The following NFATC1 variants were observed in gnomAD, a reference collection of about 807,000 sequenced individuals.
NFATC1 encodes the protein nuclear factor of activated T cells 1.
Under a neutral mutation model 76.0 loss-of-function variants are expected in NFATC1, and 22 were observed. The observed-to-expected ratio is 0.29, with a 90% CI of 0.21 to 0.41. The LOEUF (loss-of-function observed/expected upper bound fraction) is 0.41, where lower values mean the gene tolerates loss of function less well. NFATC1 is among the 10% of genes least tolerant of loss of function. The pLI is 1.00. For missense variants in NFATC1, 1,357 were observed against 1,337.7 expected (o/e 1.01, Z -0.23); for synonymous variants, 704 against 613.1 (o/e 1.15, Z -2.19).
At chr18:79,406,854 A>G (rs1002434543) in intron 1 of NFATC1, among the ~76,000 whole-genome samples, 7 of 151,068 alleles carry the variant, frequency 4.6e-5, no homozygotes, top group Admixed American at 1.3e-4. Flanking sequence ...AGAGCCAGCC[A>G]CGGCTCCGCG....
chr18:79,451,934 G>A (rs560225480), intron 6 of NFATC1, 118 bp downstream of exon 6: 6 of 1,299,042 alleles, frequency 4.6e-6, no homozygotes, highest in East Asian at 2.6e-5. Flanking sequence ...CTTATGGGGT[G>A]TGGCACGGAG....
At chr18:79,404,135 G>C (rs1034570321) in intron 1 of NFATC1, among the ~76,000 whole-genome samples, 1 of 152,214 alleles carries the variant, frequency 6.6e-6, no homozygotes, top group Non-Finnish European at 1.5e-5. Flanking sequence ...ATTCAAAAAG[G>C]ATGCTTTAAA....
intron 1 of NFATC1, among the ~76,000 whole-genome samples, chr18:79,398,634 C>A (rs943403456): frequency 1.3e-5 from 2 of 152,254 alleles, no homozygotes; most frequent in Admixed American, 1.3e-4. Context: ...CAGCAGTGAG[C>A]CTCCATCCCT....
At chr18:79,453,476 C>T (rs936333684) in intron 6 of NFATC1, among the ~76,000 whole-genome samples, 9 of 152,256 alleles carry the variant, frequency 5.9e-5, no homozygotes, top group Admixed American at 2.6e-4. Flanking sequence ...TGGCCTCATG[C>T]GGCCGCCCCT....
chr18:79,444,972 A>G (rs1230389246), intron 3 of NFATC1, among the ~76,000 whole-genome samples: 3 of 152,108 alleles, frequency 2.0e-5, no homozygotes, highest in African/African-American at 7.2e-5. Context: ...CAGAAATCAC[A>G]CCGGCAGCCT....
chr18:79,412,424 T>C (rs1190911518), intron 2 of NFATC1, among the ~76,000 whole-genome samples: 5 of 151,458 alleles, frequency 3.3e-5, no homozygotes, highest in South Asian at 2.1e-4. Flanking sequence ...GCTGGGTGTT[T>C]TCCTGTTTTT....
At chr18:79,449,816 T>C (rs2087383582) in intron 4 of NFATC1, among the ~76,000 whole-genome samples, 1 of 150,560 alleles carries the variant, frequency 6.6e-6, no homozygotes, top group African/African-American at 2.5e-5. Context: ...TGGGGAGGAG[T>C]CCCGCACGGT....
chr18:79,399,034 TC>T (rs1401409820), intron 1 of NFATC1, among the ~76,000 whole-genome samples: 1 of 152,234 alleles, frequency 6.6e-6, no homozygotes, highest in Non-Finnish European at 1.5e-5. Flanking sequence ...ACCACTGCAC[TC>T]CAGCCTGGGT....
intron 1 of NFATC1, among the ~76,000 whole-genome samples, chr18:79,400,098 G>T (rs995362561): frequency 6.7e-6 from 1 of 149,870 alleles, no homozygotes; most frequent in Non-Finnish European, 1.5e-5. Flanking sequence ...GACCCCCAGG[G>T]CACAAGAGGC....
chr18:79,517,796 A>G (rs1168778531), intron 9 of NFATC1, among the ~76,000 whole-genome samples: 1 of 152,240 alleles, frequency 6.6e-6, no homozygotes, highest in Non-Finnish European at 1.5e-5. Context: ...AACCATTGAA[A>G]AAGAGGGAAG....
At chr18:79,522,895 T>A (rs1233560772) in intron 9 of NFATC1, among the ~76,000 whole-genome samples, 1 of 152,200 alleles carries the variant, frequency 6.6e-6, no homozygotes, top group Non-Finnish European at 1.5e-5. Context: ...ACACTGTGGC[T>A]TGCCCAGCGG....
At chr18:79,438,068 G>A (rs1240687655) in intron 3 of NFATC1, among the ~76,000 whole-genome samples, 2 of 152,220 alleles carry the variant, frequency 1.3e-5, no homozygotes, top group Non-Finnish European at 2.9e-5. Flanking sequence ...TTCTCCATCT[G>A]GGGGACTGTG....
At chr18:79,405,614 C>T (rs1442112059) in intron 1 of NFATC1, among the ~76,000 whole-genome samples, 2 of 152,220 alleles carry the variant, frequency 1.3e-5, no homozygotes, top group Non-Finnish European at 2.9e-5. Context: ...CCACACCTTG[C>T]CCTTCTTCTA....
At chr18:79,441,370 C>G (rs1024434425) in intron 3 of NFATC1, among the ~76,000 whole-genome samples, 3 of 152,160 alleles carry the variant, frequency 2.0e-5, no homozygotes, top group Non-Finnish European at 4.4e-5. Context: ...GGGCGGGCAG[C>G]GCTCCTGGGC....
At chr18:79,418,664 C>T (rs2085962257) in intron 2 of NFATC1, among the ~76,000 whole-genome samples, 1 of 152,242 alleles carries the variant, frequency 6.6e-6, no homozygotes, top group Non-Finnish European at 1.5e-5. Flanking sequence ...GAAGATCATG[C>T]CTCCTGATTG....
At chr18:79,431,712 G>T (rs539372426) in intron 2 of NFATC1, among the ~76,000 whole-genome samples, 1 of 151,306 alleles carries the variant, frequency 6.6e-6, no homozygotes, top group Admixed American at 6.6e-5. Context: ...GTTGTTTGTT[G>T]TTTTTTTTTA....
At chr18:79,515,295 C>T (rs547325762) in intron 9 of NFATC1, among the ~76,000 whole-genome samples, 34 of 148,748 alleles carry the variant, frequency 2.3e-4, no homozygotes, top group Non-Finnish European at 3.0e-4. Flanking sequence ...GCAGAGATCG[C>T]GCCACTGCAC....
Position 79,411,082 on chromosome 18 carries a change from C to T in NFATC1, c.807C>T (p.Ser269=). 6.2e-7 allele frequency: 1 copy of T among 1,612,114 alleles called. No homozygotes were observed. Among genetic ancestry groups the T allele is most frequent in the Admixed American group, 1.7e-5 (1 of 59,994 alleles). The change falls in exon 2 of 10, where the codon AGC becomes AGT. Residue 269 remains serine (S), a synonymous_variant. Transcript: ENST00000427363. ...CCCCTTGCAACAAGAGGAAGTACAGCCTCAACGGCCGGCAGCCGCCCTACT... is the reference window on the plus strand; with the variant it reads ...CCCCTTGCAACAAGAGGAAGTACAGTCTCAACGGCCGGCAGCCGCCCTACT... ...PASPCNKRKY[S]LNGRQPPYSP...
chr18:79,422,984 A>G (rs777948708), intron 2 of NFATC1, among the ~76,000 whole-genome samples: 59 of 149,536 alleles, frequency 3.9e-4, no homozygotes, highest in Non-Finnish European at 6.7e-4. Context: ...CATCCGGGGC[A>G]GGGCAGGGCA....
Sources: gnomAD v4.1 joint callset for allele counts (sites outside exome capture counted in the v4.1 genomes callset) on GRCh38, gnomAD v4.1.1 for gene constraint, MANE v1.5 for transcripts, NCBI Gene and HGNC (gene_info 2026-07-23, HGNC 2026-07-21) for gene names.